Variants in MCUB observed in about 807,000 individuals in gnomAD.
MCUB encodes the protein mitochondrial calcium uniporter dominant negative subunit beta, also known as calcium uniporter regulatory subunit MCUb, mitochondrial.
A neutral mutation model predicts 41.4 loss-of-function variants in MCUB; 46 were observed. That is an observed-to-expected ratio of 1.11 (90% CI 0.88 to 1.42). MCUB has a LOEUF of 1.42. Among genes scored for constraint, MCUB ranks in the 40% most tolerant of loss-of-function variants. The pLI is 0.00. For synonymous variants in MCUB, 148 were observed against 148.2 expected, an observed-to-expected ratio of 1.00 and a Z score of 0.01; for missense variants, 403 against 404.9, an observed-to-expected ratio of 1.00 and a Z score of 0.04.
intron 1 of MCUB, among the ~76,000 whole-genome samples, chr4:109,623,371 C>G (rs921498411): frequency 6.6e-6 from 1 of 152,158 alleles, no homozygotes; most frequent in Non-Finnish European, 1.5e-5. Context: ...GTCGATGATC[C>G]TATTATACAC....
intron 1 of MCUB, among the ~76,000 whole-genome samples, chr4:109,626,686 G>T (rs1183440739): frequency 1.3e-5 from 2 of 151,932 alleles, no homozygotes; most frequent in Non-Finnish European, 2.9e-5. Flanking sequence ...GGTGGCATGC[G>T]CCTATAATCC....
rs114357518 is a variant in MCUB, at chr4:109,573,097, C to T, written c.99+12661C>T. ...TCTTTTTCTGGAGTCTTATTATTCT[C>T]ATCCTACACTGCACCAGACTAATCT... On this transcript the variant is annotated intron_variant, in intron 1 of 7. Coordinates refer to ENST00000394650, the MANE Select transcript of MCUB (RefSeq NM_017918.5). Among the ~76,000 whole-genome samples the T allele has an allele frequency of 3.6e-3, 548 of 152,268 alleles. 5 individuals carry two copies. The highest frequency in any genetic ancestry group is 0.013 in the African/African-American group (525 of 41,552).
At chr4:109,591,102 C>G (rs1727426175) in intron 1 of MCUB, among the ~76,000 whole-genome samples, 2 of 152,144 alleles carry the variant, frequency 1.3e-5, no homozygotes, top group Admixed American at 6.5e-5. Flanking sequence ...AGCCTTCTGA[C>G]ATGCCTTTCC....
chr4:109,633,881 C>A (rs1728530368), intron 1 of MCUB, among the ~76,000 whole-genome samples: 1 of 151,190 alleles, frequency 6.6e-6, no homozygotes, highest in Non-Finnish European at 1.5e-5. Context: ...CCCACCCCCA[C>A]CATCCCGCCC....
At chr4:109,618,816 C>T (rs991503076) in intron 1 of MCUB, among the ~76,000 whole-genome samples, 1 of 152,126 alleles carries the variant, frequency 6.6e-6, no homozygotes, top group African/African-American at 2.4e-5. Flanking sequence ...TAGAATCTTT[C>T]TTGCTTATGA....
chr4:109,612,208 A>G (rs563145228), intron 1 of MCUB, among the ~76,000 whole-genome samples: 1 of 150,228 alleles, frequency 6.7e-6, no homozygotes, highest in Non-Finnish European at 1.5e-5. Flanking sequence ...TTCTTGTTGC[A>G]TTCTTCAACA....
chr4:109,638,064 A>G (rs967281032), intron 1 of MCUB, among the ~76,000 whole-genome samples: 5 of 152,190 alleles, frequency 3.3e-5, no homozygotes, highest in African/African-American at 4.8e-5. Context: ...TATTGAAGTT[A>G]TGTTTACAGT....
Position 109,590,582 on chromosome 4 carries a change from G to A in MCUB, c.99+30146G>A, listed in dbSNP as rs972486406. Among the ~76,000 whole-genome samples, 13 of 152,236 alleles carry A rather than the reference G, an allele frequency of 8.5e-5. No individual in the cohort carries two copies. The East Asian group carries it at 2.1e-3, about 25-fold the overall frequency. ...TGTATAAATTGCTATGAAAAACAGCGGACTTCCATGCACTCCTTAAAAGCA... is the reference window on the plus strand; with the variant it reads ...TGTATAAATTGCTATGAAAAACAGCAGACTTCCATGCACTCCTTAAAAGCA... On this transcript the variant is annotated intron_variant, in intron 1 of 7. Transcript: ENST00000394650.
At chr4:109,681,264 A>C (rs1729709984) in intron 4 of MCUB, among the ~76,000 whole-genome samples, 1 of 152,196 alleles carries the variant, frequency 6.6e-6, no homozygotes, top group South Asian at 2.1e-4. Context: ...TGACAAGTCA[A>C]AGGAAAAGGT....
At chr4:109,682,234 G>A (rs578072880) in intron 4 of MCUB, among the ~76,000 whole-genome samples, 42 of 152,284 alleles carry the variant, frequency 2.8e-4, no homozygotes, top group Non-Finnish European at 5.7e-4. Context: ...GGGCAAAAAG[G>A]GAGAGGCCAG....
At chr4:109,569,750 G>T (rs1284006528) in intron 1 of MCUB, among the ~76,000 whole-genome samples, 3 of 152,012 alleles carry the variant, frequency 2.0e-5, no homozygotes, top group Non-Finnish European at 4.4e-5. Context: ...TGATTGGCCT[G>T]CCTCGGCCTC....
chr4:109,576,591 T>C (rs1257407618), intron 1 of MCUB, among the ~76,000 whole-genome samples: 7 of 150,120 alleles, frequency 4.7e-5, no homozygotes, highest in Admixed American at 1.3e-4. Context: ...CATGGCATGA[T>C]GTGGGAACTC....
chr4:109,683,836 C>T (rs1402329763), intron 5 of MCUB, among the ~76,000 whole-genome samples: 3 of 152,126 alleles, frequency 2.0e-5, no homozygotes, highest in East Asian at 1.9e-4. Flanking sequence ...TCAAATAGGC[C>T]TCTAATTTTA....
At position 109,682,713 on chromosome 4, in the gene MCUB, C is replaced by G. The variant is rs1579099756; in HGVS notation, c.583C>G (p.Leu195Val). The change falls in exon 5 of 8, where the codon CTG becomes GTG. Residue 195 changes from leucine to valine, a missense_variant. Leu to Val is a conservative substitution (Grantham distance 32, BLOSUM62 1). Transcript: ENST00000394650. ...CCATTTACTGGAGAAAATTGACCAC[C>G]TGAAGGAACAGCTGCAGCCCCTTGA... ...EHHLLEKIDH[L>V]KEQLQPLEQV... 6.2e-7 allele frequency: 1 copy of G among 1,613,784 alleles called. No homozygotes were observed. The highest frequency in any genetic ancestry group is 2.2e-5 in the East Asian group (1 of 44,878).
intron 1 of MCUB, among the ~76,000 whole-genome samples, chr4:109,617,000 T>C (rs1224671539): frequency 6.6e-6 from 1 of 152,190 alleles, no homozygotes; most frequent in Non-Finnish European, 1.5e-5. Context: ...TAATTTTATG[T>C]TATGTTAGTC....
Position 109,615,630 on chromosome 4 carries a change from C to T in MCUB, c.100-43381C>T, listed in dbSNP as rs184510167. Among the ~76,000 whole-genome samples the T allele has an allele frequency of 3.7e-3, 560 of 152,030 alleles. 7 individuals are homozygous for T. Among genetic ancestry groups the T allele is most frequent in the East Asian group, 0.015 (79 of 5,162 alleles). ...TTCACCGTATTAGCCAGGATGGTCT[C>T]GAACTCCTGACCTTGTGATCCGCCC... On this transcript the variant is annotated intron_variant, in intron 1 of 7. Transcript: ENST00000394650.
chr4:109,597,946 C>A (rs1040100611), intron 1 of MCUB, among the ~76,000 whole-genome samples: 37 of 151,364 alleles, frequency 2.4e-4, no homozygotes, highest in Non-Finnish European at 3.7e-4. Flanking sequence ...GCGCTCCTCA[C>A]ATCCCAGATG....
chr4:109,684,433 TCCCCC>T lies in MCUB; in HGVS notation c.613-9_613-5del. On this transcript the variant is annotated splice_region_variant and splice_polypyrimidine_tract_variant and intron_variant, in intron 5 of 7. Coordinates refer to ENST00000394650, the MANE Select transcript of MCUB (RefSeq NM_017918.5). ...GTAAACAGAATTAACAGTTTTTCAT[TCCCCC>T]TCAGGTGAAAGCTGGAATAGAAGCT... The T allele has an allele frequency of 6.3e-7, 1 of 1,591,292 alleles. No individual in the cohort carries two copies. The highest frequency in any genetic ancestry group is 1.8e-5 in the Admixed American group (1 of 54,926).
At chr4:109,570,623 G>A (rs1343146093) in intron 1 of MCUB, among the ~76,000 whole-genome samples, 1 of 152,174 alleles carries the variant, frequency 6.6e-6, no homozygotes. Context: ...ACAAGATTTG[G>A]CCCATAGGCT....
Sources: gnomAD v4.1 joint callset for allele counts (sites outside exome capture counted in the v4.1 genomes callset) on GRCh38, gnomAD v4.1.1 for gene constraint, MANE v1.5 for transcripts, NCBI Gene and HGNC (gene_info 2026-07-23, HGNC 2026-07-21) for gene names.